GBE1: variants seen among roughly 807,000 people sequenced by gnomAD.
The protein encoded by GBE1 is 1,4-alpha-glucan-branching enzyme.
In GBE1, 70 loss-of-function variants were observed where a neutral mutation model predicts 88.8. That is an observed-to-expected ratio of 0.79 (90% CI 0.65 to 0.96). The LOEUF (loss-of-function observed/expected upper bound fraction) is 0.96, where lower values mean the gene tolerates loss of function less well. Ranked by LOEUF, GBE1 falls within the 40% of genes least tolerant of loss-of-function variation. The pLI is 0.00. For missense variants in GBE1, 872 were observed against 871.0 expected (o/e 1.00, Z -0.01); for synonymous variants, 284 against 300.1 (o/e 0.95, Z 0.56).
intron 2 of GBE1, among the ~76,000 whole-genome samples, chr3:81,701,869 T>C (rs149495724): frequency 2.6e-3 from 392 of 151,890 alleles, no homozygotes; most frequent in African/African-American, 8.6e-3. Flanking sequence ...AGTGCTAGGA[T>C]TACAGATTAT....
intron 3 of GBE1, among the ~76,000 whole-genome samples, chr3:81,662,166 G>T (rs1399670132): frequency 6.6e-6 from 1 of 152,036 alleles, no homozygotes; most frequent in Non-Finnish European, 1.5e-5. Flanking sequence ...CCGACTAGCT[G>T]GGATTACAGG....
chr3:81,603,899 G>A (rs1291570312), intron 7 of GBE1, among the ~76,000 whole-genome samples: 1 of 152,094 alleles, frequency 6.6e-6, no homozygotes, highest in East Asian at 1.9e-4. Flanking sequence ...CTAGAATACA[G>A]ACACAAAAGT....
At chr3:81,683,951 AT>A (rs1705395299) in intron 2 of GBE1, among the ~76,000 whole-genome samples, 1 of 152,230 alleles carries the variant, frequency 6.6e-6, no homozygotes, top group South Asian at 2.1e-4. Flanking sequence ...GAAGAGTCTT[AT>A]TATGATAGAA....
intron 14 of GBE1, among the ~76,000 whole-genome samples, chr3:81,522,676 C>A (rs1289805329): frequency 6.6e-6 from 1 of 151,390 alleles, no homozygotes; most frequent in Non-Finnish European, 1.5e-5. Context: ...TCAGAAAAAG[C>A]AATAATGTAT....
At chr3:81,586,047 A>G (rs1703798988) in intron 10 of GBE1, 45 bp downstream of exon 10, 1 of 1,034,304 alleles carries the variant, frequency 9.7e-7, no homozygotes, top group South Asian at 1.5e-5. Context: ...TAAATGAAGC[A>G]ACACAGTATT....
chr3:81,646,648 TAAC>T (rs1270814980), intron 5 of GBE1, 166 bp from the exon 6 acceptor site: 27 of 566,136 alleles, frequency 4.8e-5, no homozygotes, highest in East Asian at 3.1e-5. Context: ...TTTGACCTTC[TAAC>T]AACATTGGAT....
At chr3:81,545,628 G>GTGTA (rs1451690685) in intron 12 of GBE1, among the ~76,000 whole-genome samples, 2 of 151,878 alleles carry the variant, frequency 1.3e-5, no homozygotes, top group East Asian at 1.9e-4. Flanking sequence ...GTGTGTGTGT[G>GTGTA]TGTGTGTGTA....
intron 1 of GBE1, among the ~76,000 whole-genome samples, chr3:81,748,268 G>A (rs529466839): frequency 1.3e-5 from 2 of 152,302 alleles, no homozygotes; most frequent in African/African-American, 2.4e-5. Context: ...TTAGAAAAAT[G>A]CAAATTAAAA....
intron 3 of GBE1, among the ~76,000 whole-genome samples, chr3:81,657,902 A>C (rs1269116046): frequency 6.6e-6 from 1 of 152,100 alleles, no homozygotes; most frequent in Non-Finnish European, 1.5e-5. Flanking sequence ...AGGTGGATAG[A>C]GAGAGATTAA....
At chr3:81,659,203 G>T (rs1339462854) in intron 3 of GBE1, among the ~76,000 whole-genome samples, 1 of 151,780 alleles carries the variant, frequency 6.6e-6, no homozygotes, top group East Asian at 1.9e-4. Flanking sequence ...ATAGGATAGG[G>T]GAAGCACTAT....
At chr3:81,598,725 G>C (rs1440346628) in intron 7 of GBE1, among the ~76,000 whole-genome samples, 4 of 151,672 alleles carry the variant, frequency 2.6e-5, no homozygotes, top group Admixed American at 1.3e-4. Flanking sequence ...GAATTATATA[G>C]AGGCTATTGT....
chr3:81,510,284 C>T (rs1306698414), intron 14 of GBE1, among the ~76,000 whole-genome samples: 2 of 152,024 alleles, frequency 1.3e-5, no homozygotes, highest in Non-Finnish European at 2.9e-5. Flanking sequence ...ATCTGGAAAT[C>T]TGATTATTTT....
intron 1 of GBE1, among the ~76,000 whole-genome samples, chr3:81,706,882 A>T (rs990487511): frequency 6.6e-6 from 1 of 152,104 alleles, no homozygotes; most frequent in Non-Finnish European, 1.5e-5. Flanking sequence ...AAAAGTACAT[A>T]AGTATAGCAA....
chr3:81,548,951 C>A (rs1321859281), intron 12 of GBE1, among the ~76,000 whole-genome samples: 1 of 150,780 alleles, frequency 6.6e-6, no homozygotes, highest in Non-Finnish European at 1.5e-5. Context: ...GTAAAGTATA[C>A]TCCTGTGAAC....
chr3:81,546,525 A>G (rs1048991358), intron 12 of GBE1, among the ~76,000 whole-genome samples: 1 of 151,256 alleles, frequency 6.6e-6, no homozygotes, highest in African/African-American at 2.4e-5. Flanking sequence ...CACAGGCCAT[A>G]AAGACCTTGC....
At chr3:81,502,155 C>T (rs1164344500) in intron 14 of GBE1, among the ~76,000 whole-genome samples, 1 of 152,082 alleles carries the variant, frequency 6.6e-6, no homozygotes, top group Non-Finnish European at 1.5e-5. Flanking sequence ...AAAGTACAGA[C>T]TGAGCTTCAC....
chr3:81,646,706 A>AT (rs1291478394), intron 5 of GBE1, among the ~76,000 whole-genome samples: 1 of 152,200 alleles, frequency 6.6e-6, no homozygotes, highest in Non-Finnish European at 1.5e-5. Context: ...ATATAGCTTC[A>AT]TTTTAACAAG....
intron 1 of GBE1, among the ~76,000 whole-genome samples, chr3:81,760,349 TGGGC>T (rs770892022): frequency 6.6e-6 from 1 of 152,218 alleles, no homozygotes; most frequent in Admixed American, 6.5e-5. Flanking sequence ...AACAATTTGC[TGGGC>T]TTTTTTCAAA....
At chr3:81,523,035 A>G (rs983415488) in intron 14 of GBE1, among the ~76,000 whole-genome samples, 1 of 151,388 alleles carries the variant, frequency 6.6e-6, no homozygotes, top group Non-Finnish European at 1.5e-5. Flanking sequence ...AGAAGACCCA[A>G]TTTGTGTCAA....
Sources: allele counts gnomAD v4.1 joint callset (sites outside exome capture counted in the v4.1 genomes callset), GRCh38; gene constraint gnomAD v4.1.1; transcripts MANE v1.5; gene names NCBI Gene and HGNC (gene_info 2026-07-23, HGNC 2026-07-21).